The following ROBO1 variants were observed in gnomAD, a reference collection of about 807,000 sequenced individuals.
ROBO1 encodes roundabout homolog 1.
A neutral mutation model predicts 195.9 loss-of-function variants in ROBO1; 149 were observed. The observed-to-expected ratio is 0.76, with a 90% CI of 0.67 to 0.87. ROBO1 has a LOEUF of 0.87. Among genes scored for constraint, ROBO1 ranks in the 40% least tolerant of loss-of-function variants. The pLI, the probability that ROBO1 is intolerant of heterozygous loss-of-function variation, is 0.00. For synonymous variants in ROBO1, 816 were observed against 733.2 expected, an observed-to-expected ratio of 1.11 and a Z score of -1.82; for missense variants, 1,933 against 2,068.3, an observed-to-expected ratio of 0.93 and a Z score of 1.27.
chr3:79,461,228 A>G (rs944221134), intron 2 of ROBO1, among the ~76,000 whole-genome samples: 2 of 152,100 alleles, frequency 1.3e-5, no homozygotes, highest in African/African-American at 2.4e-5. Flanking sequence ...CTCTAAGAGA[A>G]GAAGGGGTCT....
intron 2 of ROBO1, among the ~76,000 whole-genome samples, chr3:79,406,512 C>T (rs1462556448): frequency 1.3e-5 from 2 of 151,842 alleles, no homozygotes; most frequent in Admixed American, 6.6e-5. Context: ...GGATTTCTTT[C>T]CCCCAAAAGC....
intron 2 of ROBO1, among the ~76,000 whole-genome samples, chr3:79,574,453 TTC>T (rs1348990164): frequency 6.6e-6 from 1 of 151,994 alleles, no homozygotes; most frequent in Non-Finnish European, 1.5e-5. Flanking sequence ...AATTTTATTT[TTC>T]TTTTTTTAGT....
intron 2 of ROBO1, among the ~76,000 whole-genome samples, chr3:79,458,498 C>T (rs2039691347): frequency 6.6e-6 from 1 of 151,892 alleles, no homozygotes. Flanking sequence ...GATGAATGCT[C>T]AACAGTATCT....
chr3:78,859,593 G>A (rs1366595930), intron 4 of ROBO1, among the ~76,000 whole-genome samples: 1 of 152,096 alleles, frequency 6.6e-6, no homozygotes, highest in Non-Finnish European at 1.5e-5. Flanking sequence ...CAACTGAAAG[G>A]CCAAAGTGTT....
At chr3:79,356,009 C>A (rs115717790) in intron 2 of ROBO1, among the ~76,000 whole-genome samples, 2,872 of 152,192 alleles carry the variant, frequency 0.019, 92 homozygotes, top group African/African-American at 0.064. Context: ...CTTAAAAACT[C>A]AAAAATGTAG....
chr3:79,653,247 A>G (rs959635600), intron 1 of ROBO1, among the ~76,000 whole-genome samples: 1 of 151,858 alleles, frequency 6.6e-6, no homozygotes, highest in African/African-American at 2.4e-5. Flanking sequence ...TAAATGAGAA[A>G]TTCATTTAAT....
chr3:78,735,677 G>A (rs2082377147), intron 5 of ROBO1, among the ~76,000 whole-genome samples: 2 of 152,106 alleles, frequency 1.3e-5, no homozygotes, highest in African/African-American at 4.8e-5. Context: ...TATTTTCAAT[G>A]CTGTTACCAA....
At chr3:78,620,524 G>C (rs1001180535) in intron 26 of ROBO1, among the ~76,000 whole-genome samples, 2 of 152,046 alleles carry the variant, frequency 1.3e-5, no homozygotes, top group Non-Finnish European at 2.9e-5. Flanking sequence ...AAAAAAAGAA[G>C]AAAAACATTT....
intron 3 of ROBO1, among the ~76,000 whole-genome samples, chr3:78,960,425 T>G (rs895631231): frequency 2.0e-5 from 3 of 151,022 alleles, no homozygotes; most frequent in Non-Finnish European, 2.9e-5. Flanking sequence ...ATACATAAAC[T>G]TAAAACAATT....
chr3:79,233,949 A>AT (rs964477019), intron 2 of ROBO1, among the ~76,000 whole-genome samples: 18 of 150,152 alleles, frequency 1.2e-4, no homozygotes, highest in East Asian at 9.8e-4. Flanking sequence ...GACGTCCGGC[A>AT]TTTTTTTTTC....
At chr3:79,017,450 AGTGTGTGTGT>A (rs60522056) in intron 3 of ROBO1, among the ~76,000 whole-genome samples, 83 of 133,510 alleles carry the variant, frequency 6.2e-4, no homozygotes, top group African/African-American at 1.5e-3. Flanking sequence ...TCCGAGGTGC[AGTGTGTGTGT>A]GTGTGTGTGT....
At position 78,807,742 on chromosome 3, in the gene ROBO1, A is replaced by C. The variant is rs142293181; in HGVS notation, c.500-60842T>G. 2.1e-3 allele frequency among the ~76,000 whole-genome samples: 321 copies of C among 152,328 alleles called. 2 individuals carry two copies. Among genetic ancestry groups the C allele is most frequent in the African/African-American group, 7.0e-3 (290 of 41,572 alleles). On this transcript the variant is annotated intron_variant, in intron 4 of 30. Transcript: ENST00000464233. ...AACTTTAATTTAAACATTTGTATGC[A>C]TACACACAGCACATGCATGTGTGTG... is the stretch of plus-strand genomic sequence containing the variant.
chr3:78,776,886 G>T (rs1460619656), intron 4 of ROBO1, among the ~76,000 whole-genome samples: 2 of 152,110 alleles, frequency 1.3e-5, no homozygotes, highest in African/African-American at 2.4e-5. Flanking sequence ...CTTTATGAGA[G>T]AATTATTGTG....
intron 16 of ROBO1, chr3:78,660,778 A>G (rs1707344400): frequency 3.0e-6 from 1 of 329,186 alleles, no homozygotes; most frequent in Non-Finnish European, 5.4e-6. Flanking sequence ...TTAAATTTCT[A>G]TATGCCATTA....
chr3:79,365,503 A>G (rs921716480), intron 2 of ROBO1, among the ~76,000 whole-genome samples: 2 of 152,156 alleles, frequency 1.3e-5, no homozygotes, highest in African/African-American at 4.8e-5. Flanking sequence ...AACTTCATGA[A>G]TAAGTAAAAG....
intron 4 of ROBO1, among the ~76,000 whole-genome samples, chr3:78,803,528 G>C (rs2084433300): frequency 6.6e-6 from 1 of 152,082 alleles, no homozygotes; most frequent in Non-Finnish European, 1.5e-5. Flanking sequence ...AAGTGGCCTA[G>C]TTTAGTCACT....
chr3:79,646,961 T>C (rs1240459142), intron 1 of ROBO1, among the ~76,000 whole-genome samples: 3 of 151,910 alleles, frequency 2.0e-5, no homozygotes, highest in East Asian at 1.9e-4. Flanking sequence ...AAATATACAG[T>C]CTGATAGAAG....
chr3:79,253,836 C>T (rs1278356373), intron 2 of ROBO1, among the ~76,000 whole-genome samples: 2 of 152,166 alleles, frequency 1.3e-5, no homozygotes, highest in African/African-American at 4.8e-5. Flanking sequence ...AACTGAGTAA[C>T]TCACATGTGT....
chr3:79,701,080 A>T (rs1364549311), intron 1 of ROBO1, among the ~76,000 whole-genome samples: 5 of 151,828 alleles, frequency 3.3e-5, no homozygotes, highest in South Asian at 2.1e-4. Flanking sequence ...TCGAATAGAG[A>T]GTCCTTTACA....
Sources: allele counts gnomAD v4.1 joint callset (sites outside exome capture counted in the v4.1 genomes callset), GRCh38; gene constraint gnomAD v4.1.1; transcripts MANE v1.5; gene names NCBI Gene and HGNC (gene_info 2026-07-23, HGNC 2026-07-21).